The following CIROP variants were observed in gnomAD, a reference collection of about 807,000 sequenced individuals.
CIROP encodes ciliated left-right organizer metallopeptidase.
At chr14:23,104,501 C>T in the CIROP span, 5 of 702,820 alleles carry the variant, frequency 7.1e-6, no homozygotes, top group Non-Finnish European at 1.3e-5. Context: ...TCAGTTTCTC[C>T]CATATCTTGG....
chr14:23,099,542 A>G, the CIROP span: 1 of 404,590 alleles, frequency 2.5e-6, no homozygotes, highest in Non-Finnish European at 4.5e-6. Context: ...GCCTTAGTAG[A>G]TAAAGCGGCA....
At chr14:23,102,869 C>A in the CIROP span, 5 of 619,784 alleles carry the variant, frequency 8.1e-6, no homozygotes, top group South Asian at 7.5e-5. Flanking sequence ...AACTGAGTAA[C>A]CTGGCCCCCT....
the CIROP span, chr14:23,100,370 G>A: frequency 2.4e-6 from 1 of 411,552 alleles, no homozygotes. Context: ...CTGGATGATC[G>A]TGTTAGGGAT....
the CIROP span, chr14:23,101,592 T>C: frequency 1.4e-6 from 1 of 700,340 alleles, no homozygotes; most frequent in East Asian, 2.7e-5. Context: ...AGTAGAATAG[T>C]GTTTGTTCTG....
chr14:23,099,257 A>T, the CIROP span: 2 of 413,398 alleles, frequency 4.8e-6, no homozygotes, highest in Non-Finnish European at 4.4e-6. Context: ...TCTCTTCCTT[A>T]CCCCCTGTCA....
the CIROP span, chr14:23,101,585 AG>A: frequency 1.4e-6 from 1 of 697,316 alleles, no homozygotes; most frequent in East Asian, 2.7e-5. Flanking sequence ...GGTCAGAAGT[AG>A]AATAGTGTTT....
the CIROP span, chr14:23,100,163 G>A: frequency 5.3e-6 from 1 of 188,222 alleles, no homozygotes; most frequent in Non-Finnish European, 1.1e-5. Context: ...CTGAGGTGGG[G>A]GAATCACTTG....
the CIROP span, chr14:23,101,976 A>G: frequency 1.4e-5 from 10 of 701,136 alleles, no homozygotes; most frequent in Non-Finnish European, 2.6e-6. Context: ...CTTCAGCACC[A>G]GCTATCCTCA....
the CIROP span, chr14:23,102,701 C>A: frequency 2.8e-6 from 2 of 703,028 alleles, no homozygotes; most frequent in South Asian, 3.0e-5. Flanking sequence ...TGGAGCAATT[C>A]ATGTAATGTG....
the CIROP span, chr14:23,100,669 A>C: frequency 7.2e-4 from 289 of 399,132 alleles, 1 homozygote; most frequent in African/African-American, 5.4e-3. Context: ...TTGATGGGCC[A>C]TGGAAATAGC....
chr14:23,102,996 A>G, the CIROP span: 1 of 577,720 alleles, frequency 1.7e-6, no homozygotes, highest in Non-Finnish European at 3.1e-6. Context: ...GGTACCAGCG[A>G]GGGGCCTGTC....
At chr14:23,102,088 T>G in the CIROP span, 6 of 702,884 alleles carry the variant, frequency 8.5e-6, no homozygotes, top group Admixed American at 4.0e-5. Flanking sequence ...CCCTTATTCC[T>G]CACCCTGGCC....
At chr14:23,102,482 C>T in the CIROP span, 1 of 701,012 alleles carries the variant, frequency 1.4e-6, no homozygotes, top group Non-Finnish European at 2.6e-6. Context: ...TAGAACAGTT[C>T]TCTCTAACTG....
the CIROP span, chr14:23,100,558 C>G: frequency 2.7e-5 from 11 of 408,830 alleles, no homozygotes; most frequent in Non-Finnish European, 4.9e-5. Flanking sequence ...GGGGTTTTTT[C>G]TGGAGAGTCA....
At chr14:23,100,369 C>G in the CIROP span, 1 of 411,572 alleles carries the variant, frequency 2.4e-6, no homozygotes. Context: ...ACTGGATGAT[C>G]GTGTTAGGGA....
At chr14:23,104,883 GGCGGCA>G in the CIROP span, 1 of 650,294 alleles carries the variant, frequency 1.5e-6, no homozygotes, top group South Asian at 1.6e-5. Context: ...GAGGACTAGT[GGCGGCA>G]GCAGCAGCAG....
At chr14:23,099,654 G>C in the CIROP span, 1 of 373,942 alleles carries the variant, frequency 2.7e-6, no homozygotes, top group Non-Finnish European at 4.8e-6. Context: ...CCGCCTCCCA[G>C]GCTCAAGCAA....
chr14:23,101,636 T>A, the CIROP span: 9 of 702,826 alleles, frequency 1.3e-5, no homozygotes, highest in Admixed American at 1.6e-4. Context: ...CCAGACCCAC[T>A]CAGTTTCATT....
At chr14:23,099,213 A>G in the CIROP span, 1 of 413,052 alleles carries the variant, frequency 2.4e-6, no homozygotes, top group East Asian at 3.6e-5. Flanking sequence ...TATACACAAT[A>G]GATTTTCCAT....
Sources: gnomAD v4.1 joint callset for allele counts on GRCh38, gnomAD v4.1.1 for gene constraint, MANE v1.5 for transcripts, NCBI Gene and HGNC (gene_info 2026-07-23, HGNC 2026-07-21) for gene names.